The following ALK variants were observed in gnomAD, a reference collection of about 807,000 sequenced individuals.
ALK encodes the protein ALK receptor tyrosine kinase, also known as ALK tyrosine kinase receptor.
In ALK, 74 loss-of-function variants were observed where a neutral mutation model predicts 163.1. The ratio of observed to expected loss-of-function variants is 0.45; its 90% CI spans 0.38 to 0.55. The LOEUF (loss-of-function observed/expected upper bound fraction) is 0.55. ALK is among the 20% of genes least tolerant of loss of function. ALK has a pLI of 0.00. For synonymous variants in ALK, 960 were observed against 843.2 expected, an observed-to-expected ratio of 1.14 and a Z score of -2.40; for missense variants, 2,063 against 2,105.3, an observed-to-expected ratio of 0.98 and a Z score of 0.39.
intron 1 of ALK, among the ~76,000 whole-genome samples, chr2:29,736,771 T>G (rs1679903610): frequency 6.6e-6 from 1 of 152,106 alleles, no homozygotes; most frequent in African/African-American, 2.4e-5. Flanking sequence ...CTTATTGAAT[T>G]TGTAGCGATA....
At chr2:29,890,572 C>A (rs936960549) in intron 1 of ALK, 1 of 152,220 alleles carries the variant, frequency 6.6e-6, no homozygotes, top group African/African-American at 2.4e-5. Flanking sequence ...AGAGAACCAA[C>A]AACATTGTCA....
chr2:29,661,216 C>G (rs1677336309), intron 3 of ALK, among the ~76,000 whole-genome samples: 1 of 152,142 alleles, frequency 6.6e-6, no homozygotes, highest in Admixed American at 6.5e-5. Context: ...AATTAAGCAT[C>G]TCAATGGAAG....
chr2:29,908,465 C>G (rs768256943), intron 1 of ALK, among the ~76,000 whole-genome samples: 14 of 152,238 alleles, frequency 9.2e-5, no homozygotes, highest in Non-Finnish European at 1.6e-4. Context: ...AAAAGCTGCA[C>G]TCTCTCCAAG....
At chr2:29,399,288 T>A (rs142302363) in intron 4 of ALK, among the ~76,000 whole-genome samples, 71 of 152,236 alleles carry the variant, frequency 4.7e-4, no homozygotes, top group African/African-American at 1.4e-3. Flanking sequence ...AGAGATGAGG[T>A]TCCAACCTAG....
intron 1 of ALK, among the ~76,000 whole-genome samples, chr2:29,861,901 T>C (rs1408144643): frequency 1.3e-5 from 2 of 152,010 alleles, no homozygotes; most frequent in African/African-American, 2.4e-5. Flanking sequence ...CAAAATGAAT[T>C]CAATGGCATA....
chr2:29,542,866 T>C (rs1410365207), intron 3 of ALK, among the ~76,000 whole-genome samples: 32 of 152,214 alleles, frequency 2.1e-4, no homozygotes, highest in Admixed American at 2.0e-3. Context: ...GCCTCTTTCA[T>C]CTCTAGCAAA....
At chr2:29,814,435 C>T (rs950623832) in intron 1 of ALK, among the ~76,000 whole-genome samples, 14 of 151,806 alleles carry the variant, frequency 9.2e-5, no homozygotes, top group African/African-American at 2.2e-4. Flanking sequence ...CCGAGGCGGG[C>T]GGATCACGAG....
chr2:29,649,821 C>T (rs2148252678), intron 3 of ALK, among the ~76,000 whole-genome samples: 1 of 152,270 alleles, frequency 6.6e-6, no homozygotes, highest in Non-Finnish European at 1.5e-5. Context: ...TCACCTCTGC[C>T]CTCCAGCCCT....
At chr2:29,506,342 T>G (rs964937089) in intron 4 of ALK, among the ~76,000 whole-genome samples, 1 of 152,128 alleles carries the variant, frequency 6.6e-6, no homozygotes, top group Non-Finnish European at 1.5e-5. Context: ...TAGAATATGA[T>G]CTCTAGTGGG....
chr2:29,231,438 T>A (rs1462502040), intron 15 of ALK, among the ~76,000 whole-genome samples: 1 of 152,234 alleles, frequency 6.6e-6, no homozygotes, highest in African/African-American at 2.4e-5. Flanking sequence ...TTGGCTCTCC[T>A]GTAAAACAGG....
chr2:29,618,559 C>A (rs1675926120), intron 3 of ALK, among the ~76,000 whole-genome samples: 1 of 152,082 alleles, frequency 6.6e-6, no homozygotes. Context: ...AACATGTCCA[C>A]ACCCCCATTT....
chr2:29,592,709 G>A (rs1212422595), intron 3 of ALK, among the ~76,000 whole-genome samples: 1 of 152,162 alleles, frequency 6.6e-6, no homozygotes, highest in Non-Finnish European at 1.5e-5. Flanking sequence ...TACCTGCAAG[G>A]GAGACCTTGT....
chr2:29,776,225 TAAAAAAAAAAAAAAAAA>T (rs58918857), intron 1 of ALK, among the ~76,000 whole-genome samples: 3 of 131,240 alleles, frequency 2.3e-5, no homozygotes, highest in African/African-American at 8.9e-5. Flanking sequence ...GGAATTTTGT[TAAAAAAAAAAAAAAAAA>T]AAAAAAAAGA....
intron 1 of ALK, among the ~76,000 whole-genome samples, chr2:29,838,586 A>T (rs1014659683): frequency 1.3e-5 from 2 of 152,304 alleles, no homozygotes; most frequent in Non-Finnish European, 2.9e-5. Flanking sequence ...TACTATAAAT[A>T]AAAAGGAACA....
chr2:29,729,593 G>A (rs537170912), intron 1 of ALK, among the ~76,000 whole-genome samples: 3 of 152,234 alleles, frequency 2.0e-5, no homozygotes, highest in African/African-American at 7.2e-5. Context: ...CTGCCAGAGC[G>A]ATGTCTAAAA....
intron 5 of ALK, among the ~76,000 whole-genome samples, chr2:29,343,559 C>T (rs181086017): frequency 9.6e-4 from 146 of 152,166 alleles, no homozygotes; most frequent in Admixed American, 2.1e-3. Flanking sequence ...AGCCTCAGTC[C>T]GCTTATTTAT....
chr2:29,917,822 T>A (rs1667874369), intron 1 of ALK, among the ~76,000 whole-genome samples: 2 of 152,380 alleles, frequency 1.3e-5, no homozygotes, highest in South Asian at 4.1e-4. Flanking sequence ...ATCATTTGAT[T>A]CCAATCCTGC....
chr2:29,269,139 G>A (rs544282216), intron 11 of ALK, among the ~76,000 whole-genome samples: 3 of 152,304 alleles, frequency 2.0e-5, no homozygotes, highest in African/African-American at 7.2e-5. Context: ...CTCCCTCAGG[G>A]AGTCTGTGAG....
intron 26 of ALK, among the ~76,000 whole-genome samples, chr2:29,205,049 T>A (rs1669277813): frequency 6.6e-6 from 1 of 152,230 alleles, no homozygotes. Flanking sequence ...AGGGTAGCCA[T>A]GCCTATCTCC....
Sources: allele counts gnomAD v4.1 joint callset (sites outside exome capture counted in the v4.1 genomes callset), GRCh38; gene constraint gnomAD v4.1.1; transcripts MANE v1.5; gene names NCBI Gene and HGNC (gene_info 2026-07-23, HGNC 2026-07-21).